Variants in SMURF2 observed in about 807,000 individuals in gnomAD.
The protein encoded by SMURF2 is SMAD specific E3 ubiquitin protein ligase 2.
A neutral mutation model predicts 109.6 loss-of-function variants in SMURF2; 48 were observed. The observed-to-expected ratio is 0.44, with a 90% CI of 0.35 to 0.56. The LOEUF (loss-of-function observed/expected upper bound fraction) is 0.56, where lower values mean the gene tolerates loss of function less well. SMURF2 is among the 20% of genes least tolerant of loss of function. The probability of loss-of-function intolerance (pLI) is 0.01; values close to 1 mark genes in which losing one functional copy is unlikely to be tolerated. For synonymous variants in SMURF2, 288 were observed against 317.1 expected, an observed-to-expected ratio of 0.91 and a Z score of 0.97; for missense variants, 575 against 909.0, an observed-to-expected ratio of 0.63 and a Z score of 4.72.
chr17:64,636,234 T>C (rs573745629), intron 1 of SMURF2, among the ~76,000 whole-genome samples: 1 of 152,204 alleles, frequency 6.6e-6, no homozygotes, highest in African/African-American at 2.4e-5. Context: ...GCTGAGACTA[T>C]AGGCATGTGC....
At chr17:64,655,282 GAC>G (rs1970691850) in intron 1 of SMURF2, among the ~76,000 whole-genome samples, 1 of 100,876 alleles carries the variant, frequency 9.9e-6, no homozygotes, top group Non-Finnish European at 1.8e-5. Context: ...TTTTTTTGGA[GAC>G]ACAGTTTCAC....
At chr17:64,593,359 G>C in intron 4 of SMURF2, 81 bp downstream of exon 4, 1 of 1,207,684 alleles carries the variant, frequency 8.3e-7, no homozygotes, top group Non-Finnish European at 1.1e-6. Context: ...TATAGTGCAT[G>C]TATATATGTA....
At chr17:64,576,873 C>CTTTTTT (rs782057854) in intron 9 of SMURF2, among the ~76,000 whole-genome samples, 2 of 81,484 alleles carry the variant, frequency 2.5e-5, no homozygotes, top group African/African-American at 6.1e-5. Flanking sequence ...TTTTTCTATC[C>CTTTTTT]TTTTTTTTTT....
chr17:64,590,825 C>T (rs533810244), intron 5 of SMURF2, among the ~76,000 whole-genome samples: 17 of 151,886 alleles, frequency 1.1e-4, no homozygotes, highest in African/African-American at 3.6e-4. Context: ...GAACTTAGTG[C>T]TCTACTATAT....
chr17:64,604,972 T>C (rs1969949472), intron 2 of SMURF2, among the ~76,000 whole-genome samples: 1 of 151,798 alleles, frequency 6.6e-6, no homozygotes, highest in Non-Finnish European at 1.5e-5. Flanking sequence ...GTGCTCCCCT[T>C]ACTTCCCTCC....
chr17:64,600,558 G>A (rs1555688466), intron 2 of SMURF2, among the ~76,000 whole-genome samples: 1 of 152,190 alleles, frequency 6.6e-6, no homozygotes, highest in Non-Finnish European at 1.5e-5. Context: ...CTATGATTCT[G>A]TGATCTATCG....
intron 17 of SMURF2, among the ~76,000 whole-genome samples, chr17:64,546,712 T>C (rs1555683131): frequency 6.6e-6 from 1 of 152,216 alleles, no homozygotes; most frequent in Non-Finnish European, 1.5e-5. Context: ...GATGCAAATT[T>C]AGATTTCATG....
intron 1 of SMURF2, among the ~76,000 whole-genome samples, chr17:64,629,393 A>T (rs1399149301): frequency 6.6e-6 from 1 of 152,108 alleles, no homozygotes; most frequent in African/African-American, 2.4e-5. Flanking sequence ...AGTCCCAGCT[A>T]CCTGGAAGGC....
intron 16 of SMURF2, among the ~76,000 whole-genome samples, chr17:64,550,827 C>T (rs528742408): frequency 1.5e-4 from 23 of 151,168 alleles, no homozygotes; most frequent in South Asian, 6.3e-4. Flanking sequence ...GTTATTTTCT[C>T]GATGATCTTG....
intron 1 of SMURF2, among the ~76,000 whole-genome samples, chr17:64,652,499 T>G (rs1345951162): frequency 6.6e-6 from 1 of 152,342 alleles, no homozygotes; most frequent in Non-Finnish European, 1.5e-5. Flanking sequence ...GTTTGTTTGT[T>G]TGTTTTGAGA....
chr17:64,603,757 T>C (rs2144671147), intron 2 of SMURF2, among the ~76,000 whole-genome samples: 1 of 152,186 alleles, frequency 6.6e-6, no homozygotes, highest in African/African-American at 2.4e-5. Context: ...TAAAAGCCAA[T>C]AAGCTTGAAA....
intron 2 of SMURF2, among the ~76,000 whole-genome samples, chr17:64,602,621 A>G (rs1969913347): frequency 6.6e-6 from 1 of 152,174 alleles, no homozygotes; most frequent in East Asian, 1.9e-4. Context: ...TGGCTAGAGA[A>G]CTTTCTGCAT....
chr17:64,549,954 C>T (rs1342028341), intron 16 of SMURF2, among the ~76,000 whole-genome samples: 11 of 152,082 alleles, frequency 7.2e-5, no homozygotes, highest in African/African-American at 2.2e-4. Flanking sequence ...GGAGGTTATC[C>T]GAAAAGGATT....
intron 9 of SMURF2, among the ~76,000 whole-genome samples, chr17:64,575,812 T>G (rs1194514019): frequency 6.6e-6 from 1 of 152,052 alleles, no homozygotes; most frequent in Non-Finnish European, 1.5e-5. Flanking sequence ...CCTTTGTATG[T>G]GCAACATACA....
At chr17:64,603,093 C>T (rs1969920227) in intron 2 of SMURF2, among the ~76,000 whole-genome samples, 1 of 150,604 alleles carries the variant, frequency 6.6e-6, no homozygotes, top group Non-Finnish European at 1.5e-5. Flanking sequence ...CCAAAGAAAA[C>T]AGCTTCATTT....
chr17:64,575,815 A>G (rs1433175171), intron 9 of SMURF2, among the ~76,000 whole-genome samples: 2 of 152,038 alleles, frequency 1.3e-5, no homozygotes, highest in Non-Finnish European at 2.9e-5. Flanking sequence ...TTGTATGTGC[A>G]ACATACAAAG....
chr17:64,553,839 C>T (rs1969080131), intron 15 of SMURF2, among the ~76,000 whole-genome samples: 1 of 152,142 alleles, frequency 6.6e-6, no homozygotes, highest in Non-Finnish European at 1.5e-5. Flanking sequence ...TGCCAGTGTT[C>T]ACTCCAATCA....
chr17:64,548,602 G>C (rs1291920372), intron 16 of SMURF2, among the ~76,000 whole-genome samples: 3 of 152,106 alleles, frequency 2.0e-5, no homozygotes, highest in South Asian at 2.1e-4. Flanking sequence ...TGGCCAGGCT[G>C]GTCTCCAACT....
At chr17:64,580,365 G>T (rs1386441465) in intron 8 of SMURF2, among the ~76,000 whole-genome samples, 3 of 152,066 alleles carry the variant, frequency 2.0e-5, no homozygotes, top group African/African-American at 4.8e-5. Flanking sequence ...ACAAATATAT[G>T]ATCAGAAATA....
Sources: allele counts gnomAD v4.1 joint callset (sites outside exome capture counted in the v4.1 genomes callset), GRCh38; gene constraint gnomAD v4.1.1; transcripts MANE v1.5; gene names NCBI Gene and HGNC (gene_info 2026-07-23, HGNC 2026-07-21).